Variants in GPC6 observed in about 807,000 individuals in gnomAD.
The protein encoded by GPC6 is glypican-6.
In GPC6, 14 loss-of-function variants were observed where a neutral mutation model predicts 55.2. That is an observed-to-expected ratio of 0.25 (90% CI 0.17 to 0.40). The LOEUF (loss-of-function observed/expected upper bound fraction) is 0.40, where lower values mean the gene tolerates loss of function less well. Among genes scored for constraint, GPC6 ranks in the 10% least tolerant of loss-of-function variants. The probability of loss-of-function intolerance (pLI) is 1.00; values close to 1 mark genes in which losing one functional copy is unlikely to be tolerated. For missense variants in GPC6, 641 were observed against 708.5 expected (o/e 0.90, Z 1.08); for synonymous variants, 278 against 259.6 (o/e 1.07, Z -0.68).
At chr13:93,938,427 C>T (rs1878551236) in intron 3 of GPC6, among the ~76,000 whole-genome samples, 1 of 152,054 alleles carries the variant, frequency 6.6e-6, no homozygotes, top group Non-Finnish European at 1.5e-5. Flanking sequence ...AATTAATATT[C>T]ATAGATTCTT....
intron 1 of GPC6, among the ~76,000 whole-genome samples, chr13:93,323,822 G>A (rs1879543387): frequency 1.3e-5 from 2 of 152,130 alleles, no homozygotes; most frequent in African/African-American, 2.4e-5. Context: ...TTGGGAATAG[G>A]TCAAGAAAAG....
intron 2 of GPC6, among the ~76,000 whole-genome samples, chr13:93,793,748 C>T (rs1886118035): frequency 6.6e-6 from 1 of 152,102 alleles, no homozygotes; most frequent in Non-Finnish European, 1.5e-5. Context: ...ATATTAATAT[C>T]TAAGCTATAG....
chr13:93,353,569 T>G (rs1880709197), intron 1 of GPC6, among the ~76,000 whole-genome samples: 1 of 152,224 alleles, frequency 6.6e-6, no homozygotes, highest in Non-Finnish European at 1.5e-5. Flanking sequence ...CAGAAGGTGT[T>G]TAAGAAGAAG....
intron 1 of GPC6, among the ~76,000 whole-genome samples, chr13:93,486,811 G>T (rs1256382065): frequency 4.6e-5 from 7 of 152,002 alleles, no homozygotes; most frequent in Non-Finnish European, 5.9e-5. Flanking sequence ...TGGGTGTGGT[G>T]GCATGCGCCT....
chr13:94,306,436 CA>C (rs1282919609), intron 6 of GPC6, among the ~76,000 whole-genome samples: 2 of 152,148 alleles, frequency 1.3e-5, no homozygotes, highest in Non-Finnish European at 2.9e-5. Flanking sequence ...GATATAATTG[CA>C]ATAGCACATT....
At chr13:93,386,921 GT>G (rs1436479193) in intron 1 of GPC6, among the ~76,000 whole-genome samples, 1 of 152,068 alleles carries the variant, frequency 6.6e-6, no homozygotes, top group African/African-American at 2.4e-5. Context: ...CCTTCCGTGT[GT>G]CTTCTTCTGT....
intron 4 of GPC6, among the ~76,000 whole-genome samples, chr13:94,211,933 T>C (rs1386115718): frequency 1.3e-5 from 2 of 152,214 alleles, no homozygotes; most frequent in African/African-American, 4.8e-5. Context: ...ACCTAGGAGA[T>C]GTGCACAAAT....
intron 7 of GPC6, among the ~76,000 whole-genome samples, chr13:94,393,859 A>G (rs1880779109): frequency 6.6e-6 from 1 of 152,204 alleles, no homozygotes; most frequent in Non-Finnish European, 1.5e-5. Flanking sequence ...TGATGATGAG[A>G]AATACTAAGC....
At chr13:94,015,534 G>C (rs1264127479) in intron 3 of GPC6, among the ~76,000 whole-genome samples, 2 of 152,072 alleles carry the variant, frequency 1.3e-5, no homozygotes, top group African/African-American at 4.8e-5. Context: ...GCATTTTTAT[G>C]AAGTCCTATT....
At chr13:93,743,083 A>C (rs1404583478) in intron 2 of GPC6, among the ~76,000 whole-genome samples, 1 of 152,226 alleles carries the variant, frequency 6.6e-6, no homozygotes, top group Non-Finnish European at 1.5e-5. Context: ...ATTTAGAGAA[A>C]TGGTGGTCTA....
chr13:94,303,166 A>C (rs1054177848), intron 5 of GPC6, among the ~76,000 whole-genome samples: 62 of 152,300 alleles, frequency 4.1e-4, no homozygotes, highest in African/African-American at 1.4e-3. Flanking sequence ...AAGATTTAAT[A>C]GAGTGAAAAC....
intron 2 of GPC6, among the ~76,000 whole-genome samples, chr13:93,815,391 A>G (rs1181992818): frequency 6.6e-6 from 1 of 152,194 alleles, no homozygotes. Context: ...TAAAATATGT[A>G]ACTGTATCAA....
intron 6 of GPC6, among the ~76,000 whole-genome samples, chr13:94,326,828 C>A (rs962896117): frequency 9.2e-5 from 14 of 152,144 alleles, no homozygotes; most frequent in Non-Finnish European, 2.1e-4. Flanking sequence ...AAGGAGATTT[C>A]GAAGAGTCTT....
At chr13:94,266,688 T>G (rs1318163920) in intron 4 of GPC6, among the ~76,000 whole-genome samples, 1 of 152,196 alleles carries the variant, frequency 6.6e-6, no homozygotes, top group Non-Finnish European at 1.5e-5. Flanking sequence ...ACTTGGTACA[T>G]GTTTCCTATT....
At chr13:93,423,532 C>A (rs1474697370) in intron 1 of GPC6, among the ~76,000 whole-genome samples, 1 of 152,074 alleles carries the variant, frequency 6.6e-6, no homozygotes, top group Non-Finnish European at 1.5e-5. Flanking sequence ...ATATGAATTT[C>A]AAGTAATTTA....
intron 4 of GPC6, among the ~76,000 whole-genome samples, chr13:94,249,679 T>C (rs1173852571): frequency 6.6e-6 from 1 of 152,130 alleles, no homozygotes; most frequent in East Asian, 1.9e-4. Context: ...AACCCCATCA[T>C]GGAAACCAGG....
intron 2 of GPC6, among the ~76,000 whole-genome samples, chr13:93,682,834 C>A (rs1393298683): frequency 6.9e-6 from 1 of 144,266 alleles, no homozygotes; most frequent in African/African-American, 2.5e-5. Context: ...ATGGCAAAAC[C>A]CTGTCTCTAC....
chr13:94,277,468 C>T (rs373313842), intron 4 of GPC6, among the ~76,000 whole-genome samples: 5 of 152,084 alleles, frequency 3.3e-5, no homozygotes, highest in African/African-American at 1.2e-4. Context: ...GCTTTTGTTG[C>T]AATTGCTTTT....
At chr13:93,480,615 C>A (rs1183567233) in intron 1 of GPC6, among the ~76,000 whole-genome samples, 6 of 152,178 alleles carry the variant, frequency 3.9e-5, no homozygotes, top group African/African-American at 1.4e-4. Context: ...TTTAGTATCA[C>A]TCCCAAAGAA....
Sources: gnomAD v4.1 joint callset for allele counts (sites outside exome capture counted in the v4.1 genomes callset) on GRCh38, gnomAD v4.1.1 for gene constraint, MANE v1.5 for transcripts, NCBI Gene and HGNC (gene_info 2026-07-23, HGNC 2026-07-21) for gene names.